Variants in DGKB observed in about 807,000 individuals in gnomAD.
DGKB encodes diacylglycerol kinase beta, also known as 90 kDa diacylglycerol kinase.
In DGKB, 67 loss-of-function variants were observed where a neutral mutation model predicts 114.3. The ratio of observed to expected loss-of-function variants is 0.59; its 90% confidence interval spans 0.48 to 0.72. The LOEUF is 0.72. Among genes scored for constraint, DGKB ranks in the 30% least tolerant of loss-of-function variants. The pLI is 0.00. For missense variants in DGKB, 907 were observed against 975.2 expected (o/e 0.93, Z 0.93); for synonymous variants, 398 against 323.1 (o/e 1.23, Z -2.49).
At chr7:14,543,485 T>C (rs1793809169) in intron 20 of DGKB, among the ~76,000 whole-genome samples, 1 of 151,822 alleles carries the variant, frequency 6.6e-6, no homozygotes, top group African/African-American at 2.4e-5. Flanking sequence ...AAGACCTAAA[T>C]ACAATAGAGT....
chr7:14,615,419 A>G (rs62445610), intron 15 of DGKB, among the ~76,000 whole-genome samples: 3,128 of 152,006 alleles, frequency 0.021, 48 homozygotes, highest in Non-Finnish European at 0.029. Context: ...ATCACTATAA[A>G]TTGTCAAGTA....
chr7:14,643,840 G>C (rs143932767), intron 13 of DGKB, among the ~76,000 whole-genome samples: 1 of 152,128 alleles, frequency 6.6e-6, no homozygotes, highest in East Asian at 1.9e-4. Context: ...CCAGGAGCCC[G>C]AGGCCATCCT....
intron 13 of DGKB, among the ~76,000 whole-genome samples, chr7:14,657,711 G>C (rs907237217): frequency 6.6e-6 from 1 of 151,856 alleles, no homozygotes; most frequent in African/African-American, 2.4e-5. Context: ...CTCCCCACCA[G>C]ACTCTGCATT....
chr7:14,313,880 C>G (rs1389772879), intron 23 of DGKB, among the ~76,000 whole-genome samples: 5 of 152,222 alleles, frequency 3.3e-5, no homozygotes, highest in Admixed American at 3.3e-4. Flanking sequence ...TTAAATGCCC[C>G]TGTCTGACAG....
intron 20 of DGKB, among the ~76,000 whole-genome samples, chr7:14,488,855 A>AC (rs10634573): frequency 1.8e-5 from 2 of 113,290 alleles, no homozygotes; most frequent in African/African-American, 7.6e-5. Flanking sequence ...AAAAAAACAA[A>AC]AAAAACCCAA....
intron 8 of DGKB, among the ~76,000 whole-genome samples, chr7:14,696,349 G>C (rs1044704982): frequency 6.6e-6 from 1 of 151,612 alleles, no homozygotes; most frequent in African/African-American, 2.4e-5. Context: ...AAAAAAATTA[G>C]CCGGGCGCGG....
At chr7:14,157,750 T>C (rs778473837) in intron 25 of DGKB, among the ~76,000 whole-genome samples, 4 of 152,222 alleles carry the variant, frequency 2.6e-5, no homozygotes, top group Non-Finnish European at 4.4e-5. Flanking sequence ...ATTATTTCCA[T>C]GTCTCTACAG....
intron 21 of DGKB, among the ~76,000 whole-genome samples, chr7:14,367,021 T>A (rs76504817): frequency 0.032 from 4,945 of 152,214 alleles, 104 homozygotes; most frequent in Non-Finnish European, 0.048. Context: ...CAACAAACAC[T>A]ACACTTCAGG....
chr7:14,674,135 T>G (rs1275678429), intron 12 of DGKB, among the ~76,000 whole-genome samples: 1 of 152,154 alleles, frequency 6.6e-6, no homozygotes, highest in African/African-American at 2.4e-5. Context: ...GCTAACTCCC[T>G]GCATTGGAGT....
chr7:14,456,923 C>A (rs1384325631), intron 21 of DGKB, among the ~76,000 whole-genome samples: 3 of 152,124 alleles, frequency 2.0e-5, no homozygotes, highest in Admixed American at 1.3e-4. Context: ...ATAAGCTTTA[C>A]AGAATGAAGA....
At chr7:14,593,285 T>A (rs1563619554) in intron 17 of DGKB, among the ~76,000 whole-genome samples, 2 of 151,970 alleles carry the variant, frequency 1.3e-5, no homozygotes, top group Admixed American at 1.3e-4. Context: ...AATGAGAGAA[T>A]ATTTATTCCT....
At chr7:14,929,362 G>A (rs967965619) in intron 1 of DGKB, among the ~76,000 whole-genome samples, 1 of 151,998 alleles carries the variant, frequency 6.6e-6, no homozygotes, top group Non-Finnish European at 1.5e-5. Flanking sequence ...GTGTATAAAT[G>A]TTCCATTATC....
intron 3 of DGKB, among the ~76,000 whole-genome samples, chr7:14,756,010 CA>C (rs1834816499): frequency 6.6e-6 from 1 of 151,904 alleles, no homozygotes; most frequent in African/African-American, 2.4e-5. Flanking sequence ...ATAACTACCT[CA>C]AAAAATGCAG....
At chr7:14,917,914 G>C (rs1784319769) in intron 1 of DGKB, among the ~76,000 whole-genome samples, 1 of 152,016 alleles carries the variant, frequency 6.6e-6, no homozygotes, top group South Asian at 2.1e-4. Context: ...CCACCACCAA[G>C]TGCGATTTAT....
chr7:14,356,587 C>T (rs1176975149), intron 21 of DGKB, among the ~76,000 whole-genome samples: 2 of 151,912 alleles, frequency 1.3e-5, no homozygotes, highest in African/African-American at 4.8e-5. Context: ...GTCTCAATCT[C>T]CTGACCTCGT....
intron 23 of DGKB, among the ~76,000 whole-genome samples, chr7:14,263,490 G>T (rs1003022705): frequency 6.6e-6 from 1 of 152,076 alleles, no homozygotes; most frequent in Non-Finnish European, 1.5e-5. Context: ...TTTCTCTTTT[G>T]CCTCTGGGTT....
intron 9 of DGKB, among the ~76,000 whole-genome samples, chr7:14,690,317 CTAGT>C (rs1451056778): frequency 3.3e-5 from 5 of 152,106 alleles, no homozygotes; most frequent in African/African-American, 4.8e-5. Context: ...TAAAAATGAC[CTAGT>C]TAGTTAATAA....
At chr7:14,531,424 T>C (rs570945104) in intron 20 of DGKB, among the ~76,000 whole-genome samples, 6 of 151,356 alleles carry the variant, frequency 4.0e-5, no homozygotes, top group Non-Finnish European at 7.4e-5. Flanking sequence ...GTAATAATCA[T>C]ACAGTAAAGT....
At chr7:14,840,699 AACACACAC>A (rs57577998) in intron 2 of DGKB, among the ~76,000 whole-genome samples, 8,352 of 130,192 alleles carry the variant, frequency 0.064, 588 homozygotes, top group African/African-American at 0.18. Flanking sequence ...ACTCTCTTTT[AACACACAC>A]ACACACACAC....
Sources: gnomAD v4.1 joint callset for allele counts (sites outside exome capture counted in the v4.1 genomes callset) on GRCh38, gnomAD v4.1.1 for gene constraint, MANE v1.5 for transcripts, NCBI Gene and HGNC (gene_info 2026-07-23, HGNC 2026-07-21) for gene names.